PPM1H: variants seen among roughly 807,000 people sequenced by gnomAD.
The protein encoded by PPM1H is protein phosphatase 1H.
A neutral mutation model predicts 54.9 loss-of-function variants in PPM1H; 27 were observed. The observed-to-expected ratio is 0.49, with a 90% confidence interval of 0.36 to 0.68. The LOEUF (loss-of-function observed/expected upper bound fraction) is 0.68, where lower values mean the gene tolerates loss of function less well. Among genes scored for constraint, PPM1H ranks in the 30% least tolerant of loss-of-function variants. The pLI, the probability that PPM1H is intolerant of heterozygous loss-of-function variation, is 0.00. For missense variants in PPM1H, 596 were observed against 667.8 expected (o/e 0.89, Z 1.19); for synonymous variants, 305 against 270.8 (o/e 1.13, Z -1.24).
At chr12:62,817,932 T>C (rs1462446421) in intron 2 of PPM1H, among the ~76,000 whole-genome samples, 3 of 152,176 alleles carry the variant, frequency 2.0e-5, no homozygotes, top group Non-Finnish European at 4.4e-5. Context: ...TCTCCTGTTA[T>C]TGTAATTAGA....
At chr12:62,757,932 C>T (rs144238454) in intron 4 of PPM1H, among the ~76,000 whole-genome samples, 200 of 152,266 alleles carry the variant, frequency 1.3e-3, no homozygotes, top group African/African-American at 4.7e-3. Context: ...ACATGCAACC[C>T]TTTATGGCTC....
chr12:62,845,913 G>A (rs1333084032), intron 1 of PPM1H, among the ~76,000 whole-genome samples: 1 of 151,948 alleles, frequency 6.6e-6, no homozygotes, highest in Non-Finnish European at 1.5e-5. Flanking sequence ...TGTCTTAGTG[G>A]ACAAAGAATT....
rs201631911 is a variant in PPM1H at position 62,802,060 on chromosome 12, G to A, written c.512C>T (p.Thr171Met). ...GTCCACGATGTCCTGCAGCTGCTCC[G>A]TGATGTGGTGCTGCAGCAGGCGTGA... ...VASRLLQHHITEQLQDIVDIL... is the reference protein window; with the variant it reads ...VASRLLQHHIMEQLQDIVDIL... Residue 171 changes from threonine to methionine, a missense_variant, in exon 3 of 10, where the codon ACG becomes ATG. By Grantham distance (81) the Thr-to-Met change is moderately conservative (BLOSUM62 -1). Coordinates refer to ENST00000228705, the MANE Select transcript of PPM1H (RefSeq NM_020700.2). The A allele has an allele frequency of 3.1e-6, 5 of 1,613,296 alleles. No homozygotes were observed. The highest frequency in any genetic ancestry group is 4.2e-6 in the Non-Finnish European group (5 of 1,179,712).
At chr12:62,798,585 AT>A (rs199502797) in intron 3 of PPM1H, among the ~76,000 whole-genome samples, 2,478 of 152,256 alleles carry the variant, frequency 0.016, 68 homozygotes, top group African/African-American at 0.057. Context: ...AAGCTAGGGC[AT>A]GGGGGTAAAC....
chr12:62,849,445 G>A (rs1405580042), intron 1 of PPM1H, among the ~76,000 whole-genome samples: 1 of 152,156 alleles, frequency 6.6e-6, no homozygotes, highest in East Asian at 1.9e-4. Flanking sequence ...GCCATTGGGT[G>A]GTAATATCAG....
chr12:62,704,240 C>G (rs1397154159), intron 6 of PPM1H, among the ~76,000 whole-genome samples: 4 of 152,096 alleles, frequency 2.6e-5, no homozygotes, highest in African/African-American at 7.2e-5. Context: ...GATCAGTCCC[C>G]AGGGTGAGTC....
Position 62,802,128 on chromosome 12 carries a change from C to A in PPM1H, c.444G>T (p.Ser148=). The change falls in exon 3 of 10, where the codon TCG becomes TCT. Residue 148 remains serine (S), a synonymous_variant. Coordinates refer to ENST00000228705, the MANE Select transcript of PPM1H (RefSeq NM_020700.2). ...ESEGVSCHYW[S]LFDGHAGSGA... is the part of the protein sequence containing the mutation. ...CGGACCCCGCGTGCCCGTCAAACAG[C>A]GACCAATAGTGGCAGGAAACACCCT... 1 of 1,583,510 alleles carries A rather than the reference C, an allele frequency of 6.3e-7. No individual in the cohort carries two copies. The highest frequency in any genetic ancestry group is 8.6e-7 in the Non-Finnish European group (1 of 1,163,198).
intron 1 of PPM1H, among the ~76,000 whole-genome samples, chr12:62,887,998 G>A (rs549605479): frequency 1.3e-5 from 2 of 152,272 alleles, no homozygotes; most frequent in South Asian, 2.1e-4. Flanking sequence ...AAGCATGAGC[G>A]ACATGATCTG....
intron 9 of PPM1H, among the ~76,000 whole-genome samples, chr12:62,651,100 C>T (rs983231486): frequency 6.6e-6 from 1 of 152,144 alleles, no homozygotes. Flanking sequence ...ACACCTTAAC[C>T]CAGGTATGAG....
At chr12:62,795,027 G>T (rs754542398) in intron 3 of PPM1H, among the ~76,000 whole-genome samples, 1 of 152,144 alleles carries the variant, frequency 6.6e-6, no homozygotes, top group Non-Finnish European at 1.5e-5. Flanking sequence ...TCAGGGGGTT[G>T]TAGGGGCACA....
chr12:62,836,890 CA>C (rs1868518872), intron 1 of PPM1H, among the ~76,000 whole-genome samples: 2 of 152,082 alleles, frequency 1.3e-5, no homozygotes, highest in Non-Finnish European at 2.9e-5. Flanking sequence ...TCAACTGAAC[CA>C]AAACCCCTAA....
chr12:62,715,880 T>C (rs932114005), intron 6 of PPM1H, among the ~76,000 whole-genome samples: 1 of 152,054 alleles, frequency 6.6e-6, no homozygotes, highest in Non-Finnish European at 1.5e-5. Context: ...GCCTCAGCAG[T>C]CCTAAAATGC....
At chr12:62,862,815 T>C (rs1869647118) in intron 1 of PPM1H, among the ~76,000 whole-genome samples, 2 of 152,226 alleles carry the variant, frequency 1.3e-5, no homozygotes, top group Non-Finnish European at 2.9e-5. Context: ...AGAGATATAG[T>C]AAAACACCAA....
rs2076127816 is a variant in PPM1H at position 62,698,806 on chromosome 12, T to C, written c.1074-4807A>G. ...ACCTGAGAATGTTTTTTTTGGCTCA[T>C]GGTCTCCTCTAGTTTATAATGACAC... On this transcript the variant is annotated intron_variant, in intron 6 of 9. Transcript: ENST00000228705. 1.3e-5 allele frequency among the ~76,000 whole-genome samples: 2 copies of C among 152,162 alleles called. 1 individual carries two copies. The highest frequency in any genetic ancestry group is 4.1e-4 in the South Asian group (2 of 4,826).
chr12:62,889,429 G>A (rs185813829), intron 1 of PPM1H, among the ~76,000 whole-genome samples: 120 of 152,186 alleles, frequency 7.9e-4, no homozygotes, highest in African/African-American at 2.6e-3. Flanking sequence ...AGGCTGAGGC[G>A]AGAGATTACT....
intron 8 of PPM1H, among the ~76,000 whole-genome samples, chr12:62,682,947 C>A (rs1279313818): frequency 6.6e-6 from 1 of 151,706 alleles, no homozygotes; most frequent in African/African-American, 2.4e-5. Flanking sequence ...TCAGTATCCC[C>A]AGTAGCTGAG....
chr12:62,872,502 T>C (rs892238450), intron 1 of PPM1H, among the ~76,000 whole-genome samples: 1 of 152,232 alleles, frequency 6.6e-6, no homozygotes, highest in Admixed American at 6.5e-5. Context: ...TTAAAATCGA[T>C]TGATGTCAGT....
chr12:62,680,837 T>C (rs967151683), intron 8 of PPM1H, among the ~76,000 whole-genome samples: 2 of 152,216 alleles, frequency 1.3e-5, no homozygotes, highest in African/African-American at 2.4e-5. Flanking sequence ...AGAGGAATTG[T>C]GTTGGGATAT....
intron 4 of PPM1H, among the ~76,000 whole-genome samples, chr12:62,759,463 CCT>C (rs2076494039): frequency 6.6e-6 from 1 of 152,218 alleles, no homozygotes; most frequent in South Asian, 2.1e-4. Flanking sequence ...AAGTTCAATT[CCT>C]TTCATTATCT....
Sources: allele counts gnomAD v4.1 joint callset (sites outside exome capture counted in the v4.1 genomes callset), GRCh38; gene constraint gnomAD v4.1.1; transcripts MANE v1.5; gene names NCBI Gene and HGNC (gene_info 2026-07-23, HGNC 2026-07-21).